GRM7: variants seen among roughly 807,000 people sequenced by gnomAD.
GRM7 encodes the protein metabotropic glutamate receptor 7.
A neutral mutation model predicts 84.5 loss-of-function variants in GRM7; 35 were observed. That is an observed-to-expected ratio of 0.41 (90% confidence interval 0.32 to 0.55). The LOEUF is 0.55. GRM7 is among the 20% of genes least tolerant of loss of function. The pLI, the probability that GRM7 is intolerant of heterozygous loss-of-function variation, is 0.19. For synonymous variants in GRM7, 487 were observed against 455.1 expected (o/e 1.07, Z -0.89); for missense variants, 1,003 against 1,194.6 (o/e 0.84, Z 2.36).
chr3:7,142,261 ATAAT>A (rs1365137189), intron 1 of GRM7, among the ~76,000 whole-genome samples: 3 of 152,112 alleles, frequency 2.0e-5, no homozygotes, highest in Admixed American at 2.0e-4. Context: ...GCTCATAGCA[ATAAT>A]TAATAACTAT....
intron 4 of GRM7, among the ~76,000 whole-genome samples, chr3:7,405,644 C>T (rs73810614): frequency 0.01 from 1,563 of 152,126 alleles, 16 homozygotes; most frequent in South Asian, 0.024. Flanking sequence ...TCTTGGAGAA[C>T]GGCTCTTGTA....
intron 4 of GRM7, among the ~76,000 whole-genome samples, chr3:7,328,688 T>C (rs912768528): frequency 5.9e-5 from 9 of 152,178 alleles, no homozygotes; most frequent in Admixed American, 1.3e-4. Flanking sequence ...CAAATGCACC[T>C]CTTTAAGGTC....
chr3:6,949,487 C>T (rs1692618231), intron 1 of GRM7, among the ~76,000 whole-genome samples: 2 of 152,038 alleles, frequency 1.3e-5, no homozygotes, highest in Non-Finnish European at 2.9e-5. Context: ...TTGCCCTTAA[C>T]ATTTTTTCCT....
At chr3:7,274,261 A>G (rs200250542) in intron 2 of GRM7, among the ~76,000 whole-genome samples, 2 of 151,964 alleles carry the variant, frequency 1.3e-5, no homozygotes, top group African/African-American at 4.8e-5. Context: ...CATTGTTGCT[A>G]TTATTTTGAA....
intron 7 of GRM7, among the ~76,000 whole-genome samples, chr3:7,487,607 G>A (rs1297424548): frequency 6.6e-6 from 1 of 152,176 alleles, no homozygotes; most frequent in Non-Finnish European, 1.5e-5. Flanking sequence ...CTGCTCCAGA[G>A]GGCACAAGTG....
intron 1 of GRM7, among the ~76,000 whole-genome samples, chr3:6,888,839 T>C (rs1050266768): frequency 3.3e-5 from 5 of 152,276 alleles, no homozygotes; most frequent in African/African-American, 1.2e-4. Context: ...GCCATTTTCA[T>C]GATATTGATT....
intron 4 of GRM7, among the ~76,000 whole-genome samples, chr3:7,403,831 G>GGATAGATAGATAGATA (rs537042589): frequency 1.3e-5 from 2 of 150,790 alleles, no homozygotes; most frequent in Admixed American, 6.6e-5. Flanking sequence ...GTGGATGGAT[G>GGATAGATAGATAGATA]GATAGATAGA....
intron 2 of GRM7, among the ~76,000 whole-genome samples, chr3:7,251,341 A>C (rs1697979472): frequency 1.3e-5 from 2 of 152,104 alleles, no homozygotes; most frequent in African/African-American, 4.8e-5. Flanking sequence ...GAAGATGATT[A>C]AGTTATTCTC....
At chr3:7,332,851 C>T (rs1701261551) in intron 4 of GRM7, among the ~76,000 whole-genome samples, 2 of 151,338 alleles carry the variant, frequency 1.3e-5, no homozygotes, top group Admixed American at 1.3e-4. Context: ...TAACCCTGCC[C>T]CTACTGGATG....
intron 1 of GRM7, among the ~76,000 whole-genome samples, chr3:6,902,670 C>A (rs1052774427): frequency 6.6e-6 from 1 of 151,998 alleles, no homozygotes; most frequent in Non-Finnish European, 1.5e-5. Flanking sequence ...TTTCTGAAAG[C>A]AAAACATAAT....
chr3:7,253,151 C>A (rs1448533467), intron 2 of GRM7, among the ~76,000 whole-genome samples: 2 of 151,832 alleles, frequency 1.3e-5, no homozygotes, highest in African/African-American at 2.4e-5. Flanking sequence ...TGCTCTCCAG[C>A]ACTCTCTATT....
intron 4 of GRM7, among the ~76,000 whole-genome samples, chr3:7,331,895 T>A (rs112346357): frequency 1.3e-5 from 2 of 152,228 alleles, no homozygotes; most frequent in Non-Finnish European, 2.9e-5. Context: ...AGTTTGACAC[T>A]GAGAAGTAGC....
chr3:7,302,943 T>C (rs200545891), intron 3 of GRM7, among the ~76,000 whole-genome samples: 1 of 91,658 alleles, frequency 1.1e-5, no homozygotes, highest in Admixed American at 1.1e-4. Flanking sequence ...TTTTTTTTTT[T>C]TTTTTTTTTT....
chr3:7,288,041 T>C (rs1025713117), intron 2 of GRM7, among the ~76,000 whole-genome samples: 47 of 152,300 alleles, frequency 3.1e-4, no homozygotes, highest in African/African-American at 1.1e-3. Context: ...AATGTTTTCT[T>C]TATATTTATT....
intron 8 of GRM7, among the ~76,000 whole-genome samples, chr3:7,631,408 CTG>C (rs1434503886): frequency 6.6e-6 from 1 of 152,126 alleles, no homozygotes; most frequent in Non-Finnish European, 1.5e-5. Context: ...ATGGTGGACT[CTG>C]AGGCCCCTAG....
chr3:7,400,028 A>G (rs1695382674), intron 4 of GRM7, among the ~76,000 whole-genome samples: 1 of 152,222 alleles, frequency 6.6e-6, no homozygotes, highest in African/African-American at 2.4e-5. Context: ...AAGGTTACTT[A>G]GAACCTAGAA....
intron 1 of GRM7, among the ~76,000 whole-genome samples, chr3:6,867,791 C>A (rs1694986317): frequency 6.6e-6 from 1 of 152,116 alleles, no homozygotes; most frequent in East Asian, 1.9e-4. Context: ...ATGTTTTCTG[C>A]ACATAAAAAA....
chr3:7,337,555 A>G (rs1289965630), intron 4 of GRM7, among the ~76,000 whole-genome samples: 1 of 152,052 alleles, frequency 6.6e-6, no homozygotes. Flanking sequence ...AAGGAACTCA[A>G]ATCAACAGGA....
rs74487225 is a variant in GRM7 at position 7,562,362 on chromosome 3, G to GA, written c.1516-16050dup. 9.2e-4 allele frequency among the ~76,000 whole-genome samples: 135 copies of GA among 146,404 alleles called. No homozygotes were observed. In the Middle Eastern group the frequency reaches 0.011, roughly 12 times the overall value. On this transcript the variant is annotated intron_variant, in intron 7 of 9. Coordinates refer to ENST00000357716, the MANE Select transcript of GRM7 (RefSeq NM_000844.4). ...TTTCCCCCTTATATTTTTTTAAAAA[G>GA]AAAAAAAAAATACTAGTTTTAATTG...
Sources: gnomAD v4.1 joint callset for allele counts (sites outside exome capture counted in the v4.1 genomes callset) on GRCh38, gnomAD v4.1.1 for gene constraint, MANE v1.5 for transcripts, NCBI Gene and HGNC (gene_info 2026-07-23, HGNC 2026-07-21) for gene names.